Variants in CFDP1 observed in about 807,000 individuals in gnomAD.
CFDP1 encodes heterochromatin-stabilizing protein CFDP1.
CFDP1 carries 31 observed loss-of-function variants against 40.1 expected under a neutral mutation model. The ratio of observed to expected loss-of-function variants is 0.77; its 90% CI spans 0.58 to 1.04. The LOEUF is 1.04. Among genes scored for constraint, CFDP1 ranks in the 50% least tolerant of loss-of-function variants. The pLI, the probability that CFDP1 is intolerant of heterozygous loss-of-function variation, is 0.00. For missense variants in CFDP1, 423 were observed against 343.4 expected, an observed-to-expected ratio of 1.23 and a Z score of -1.83; for synonymous variants, 167 against 120.0, an observed-to-expected ratio of 1.39 and a Z score of -2.56.
chr16:75,408,776 A>AAAT (rs1004311742), intron 4 of CFDP1, among the ~76,000 whole-genome samples: 7 of 152,028 alleles, frequency 4.6e-5, no homozygotes, highest in Non-Finnish European at 8.8e-5. Flanking sequence ...CCCTGTCTCA[A>AAAT]AATAATAATA....
At chr16:75,369,498 G>C (rs550489298) in intron 5 of CFDP1, among the ~76,000 whole-genome samples, 3 of 152,182 alleles carry the variant, frequency 2.0e-5, no homozygotes, top group Admixed American at 6.5e-5. Flanking sequence ...TATACATTTA[G>C]ACACATGGCT....
chr16:75,373,966 G>C (rs1196184286), intron 5 of CFDP1, among the ~76,000 whole-genome samples: 10 of 152,130 alleles, frequency 6.6e-5, no homozygotes, highest in Admixed American at 6.5e-4. Flanking sequence ...GAAAATTATA[G>C]AACTGGCCAG....
chr16:75,336,212 C>T (rs2078486788), intron 5 of CFDP1, among the ~76,000 whole-genome samples: 1 of 152,288 alleles, frequency 6.6e-6, no homozygotes, highest in African/African-American at 2.4e-5. Flanking sequence ...GGAAATAGAG[C>T]AGAGAACAAG....
chr16:75,326,651 G>A (rs904057908), intron 5 of CFDP1, among the ~76,000 whole-genome samples: 3 of 152,310 alleles, frequency 2.0e-5, no homozygotes, highest in South Asian at 2.1e-4. Flanking sequence ...TCTTACTGCT[G>A]GGGACCGTGG....
At chr16:75,417,290 T>C (rs1466765490) in intron 1 of CFDP1, among the ~76,000 whole-genome samples, 2 of 152,186 alleles carry the variant, frequency 1.3e-5, no homozygotes, top group Admixed American at 1.3e-4. Flanking sequence ...CTCAGTACTG[T>C]TTGTAATAAC....
chr16:75,341,073 C>T (rs2078523402), intron 5 of CFDP1, among the ~76,000 whole-genome samples: 1 of 152,224 alleles, frequency 6.6e-6, no homozygotes, highest in African/African-American at 2.4e-5. Flanking sequence ...ACACACTGGG[C>T]ATGCACAGTG....
intron 1 of CFDP1, among the ~76,000 whole-genome samples, chr16:75,421,572 T>C (rs1385396940): frequency 1.3e-5 from 2 of 152,132 alleles, no homozygotes; most frequent in East Asian, 3.9e-4. Context: ...GCCCCAAGCA[T>C]AAATATGAGC....
In CFDP1 at chr16:75,412,142, CA is replaced by C. The variant is rs1447335268; in HGVS notation, c.403-191del. On this transcript the variant is annotated intron_variant, in intron 3 of 6. Coordinates refer to ENST00000283882, the MANE Select transcript of CFDP1 (RefSeq NM_006324.3). ...AAGCGATTCTCCTTGCTTCAGCGTCCAAAGTAGCTGGGATTACAGGCAACCG... is the reference window on the plus strand; with the variant it reads ...AAGCGATTCTCCTTGCTTCAGCGTCCAAGTAGCTGGGATTACAGGCAACCG... 2.0e-5 allele frequency among the ~76,000 whole-genome samples: 3 copies of C among 152,304 alleles called. No homozygotes were observed. In the South Asian group the frequency reaches 6.2e-4, roughly 32 times the overall value.
At chr16:75,371,343 A>ATAAT (rs143492581) in intron 5 of CFDP1, among the ~76,000 whole-genome samples, 112,165 of 151,560 alleles carry the variant, frequency 0.74, 41,646 homozygotes, top group Middle Eastern at 0.78. Flanking sequence ...ATACAATTTC[A>ATAAT]TAATTATATA....
intron 4 of CFDP1, among the ~76,000 whole-genome samples, chr16:75,395,476 T>C (rs1434411940): frequency 2.6e-5 from 4 of 151,730 alleles, no homozygotes; most frequent in African/African-American, 7.3e-5. Flanking sequence ...CTGGCCAACA[T>C]GGTGAAATCC....
In CFDP1 at chr16:75,403,364, A is replaced by G. The variant is rs530687863; in HGVS notation, c.531-8155T>C. Among the ~76,000 whole-genome samples, 6 of 152,282 alleles carry G rather than the reference A, an allele frequency of 3.9e-5. 1 individual carries two copies. The East Asian group carries it at 1.2e-3, about 29-fold the overall frequency. Reference sequence around the variant, plus strand: ...CTCCTGAGTAGCTGGGACTACAGACACACACCACAATGACTGGCTAATTTT... The same window carrying G: ...CTCCTGAGTAGCTGGGACTACAGACGCACACCACAATGACTGGCTAATTTT... On this transcript the variant is annotated intron_variant, in intron 4 of 6. Coordinates refer to ENST00000283882, the MANE Select transcript of CFDP1 (RefSeq NM_006324.3).
intron 5 of CFDP1, among the ~76,000 whole-genome samples, chr16:75,306,903 GCACA>G (rs918603156): frequency 1.7e-4 from 15 of 87,010 alleles, no homozygotes; most frequent in Non-Finnish European, 3.4e-4. Context: ...ACACACACAC[GCACA>G]CACACACACT....
chr16:75,313,474 G>GCC (rs2078307379), intron 5 of CFDP1, among the ~76,000 whole-genome samples: 1 of 152,054 alleles, frequency 6.6e-6, no homozygotes, highest in Non-Finnish European at 1.5e-5. Flanking sequence ...GATTACAGGC[G>GCC]CCCACCACCA....
In CFDP1 at chr16:75,340,693, T is replaced by C. The variant is rs561882123; in HGVS notation, c.651-35511A>G. On this transcript the variant is annotated intron_variant, in intron 5 of 6. Coordinates refer to ENST00000283882, the MANE Select transcript of CFDP1 (RefSeq NM_006324.3). ...AAGAAACTTAAGAAAGAGAAGCCCA[T>C]TGATAGACGCTCTACTTCTCTGTCA... Among the ~76,000 whole-genome samples the C allele has an allele frequency of 2.3e-4, 35 of 152,336 alleles. No homozygotes were observed. The South Asian group carries it at 7.0e-3, about 31-fold the overall frequency.
At chr16:75,396,854 T>C (rs918776747) in intron 4 of CFDP1, among the ~76,000 whole-genome samples, 9 of 152,166 alleles carry the variant, frequency 5.9e-5, no homozygotes, top group South Asian at 2.1e-4. Flanking sequence ...CAGTCTATTA[T>C]GGCCGGCCTC....
At position 75,433,460 on chromosome 16, in the gene CFDP1, G is replaced by C. The variant is rs2079453093; in HGVS notation, c.-108C>G. On this transcript the variant is annotated 5_prime_UTR_variant, in exon 1 of 7. Transcript: ENST00000283882. ...GCCCCGGCGGCGGCGACGGCAGCTA[G>C]GGCGGCCCCCGACAGCGCTTTGCAC... 8 of 1,096,740 alleles carry C rather than the reference G, an allele frequency of 7.3e-6. No homozygotes were observed. Among genetic ancestry groups the C allele is most frequent in the East Asian group, 2.6e-5 (1 of 38,670 alleles). 67.9% of individuals were successfully genotyped at this position (1,096,740 alleles called of 1,614,324 possible).
intron 1 of CFDP1, among the ~76,000 whole-genome samples, chr16:75,416,315 C>A (rs933609520): frequency 1.1e-4 from 16 of 151,718 alleles, no homozygotes; most frequent in African/African-American, 3.9e-4. Context: ...AGATTAAAAA[C>A]TTAAGGAAAA....
chr16:75,347,618 G>A (rs1345553781), intron 5 of CFDP1, among the ~76,000 whole-genome samples: 4 of 152,048 alleles, frequency 2.6e-5, no homozygotes, highest in Non-Finnish European at 5.9e-5. Flanking sequence ...GGCGGAGGTT[G>A]CAGTGAGCTG....
At chr16:75,321,079 C>T (rs146301022) in intron 5 of CFDP1, among the ~76,000 whole-genome samples, 9 of 152,022 alleles carry the variant, frequency 5.9e-5, no homozygotes, top group African/African-American at 1.4e-4. Context: ...CACAGGCACA[C>T]GCCATCATGC....
Sources: gnomAD v4.1 joint callset for allele counts (sites outside exome capture counted in the v4.1 genomes callset) on GRCh38, gnomAD v4.1.1 for gene constraint, MANE v1.5 for transcripts, NCBI Gene and HGNC (gene_info 2026-07-23, HGNC 2026-07-21) for gene names.